FXYD5: variants seen among roughly 807,000 people sequenced by gnomAD.
The protein encoded by FXYD5 is FXYD domain-containing ion transport regulator 5.
In FXYD5, 21 loss-of-function variants were observed where a neutral mutation model predicts 25.7. The ratio of observed to expected loss-of-function variants is 0.82; its 90% confidence interval spans 0.58 to 1.18. The LOEUF is 1.18. Ranked by LOEUF, FXYD5 falls within the 50% of genes most tolerant of loss-of-function variation. FXYD5 has a pLI of 0.00. For synonymous variants in FXYD5, 101 were observed against 90.7 expected, an observed-to-expected ratio of 1.11 and a Z score of -0.64; for missense variants, 229 against 227.7, an observed-to-expected ratio of 1.01 and a Z score of -0.04.
chr19:35,165,094 T>G (rs1600509507), intron 6 of FXYD5, among the ~76,000 whole-genome samples: 1 of 152,140 alleles, frequency 6.6e-6, no homozygotes, highest in Non-Finnish European at 1.5e-5. Context: ...TTCGGTGTCA[T>G]GTCAGACTGT....
At position 35,155,568 on chromosome 19, in the gene FXYD5, C is replaced by T; in HGVS notation, c.18C>T (p.Arg6=). The T allele has an allele frequency of 1.2e-6, 2 of 1,610,808 alleles. No individual in the cohort carries two copies. Among genetic ancestry groups the T allele is most frequent in the Non-Finnish European group, 1.7e-6 (2 of 1,179,844 alleles). ...TCCCACAGATGTCGCCCTCTGGTCG[C>T]CTGTGTCTTCTCACCATCGTTGGCC... MSPSG[R]LCLLTIVGLI... is the part of the protein sequence containing the mutation. The change falls in exon 2 of 9, where the codon CGC becomes CGT. Residue 6 remains arginine (R), a synonymous_variant. Transcript: ENST00000392219.
At chr19:35,169,296 A>G (rs1343957353) in intron 8 of FXYD5, among the ~76,000 whole-genome samples, 3 of 152,070 alleles carry the variant, frequency 2.0e-5, no homozygotes, top group Non-Finnish European at 4.4e-5. Context: ...TTTGTCCTCA[A>G]CTGTGTTCTT....
intron 2 of FXYD5, 34 bp from the exon 3 acceptor site, chr19:35,157,387 G>C (rs769087817): frequency 5.0e-6 from 6 of 1,195,490 alleles, no homozygotes; most frequent in Non-Finnish European, 5.0e-6. Flanking sequence ...GGGGGACCAG[G>C]CTCCCTCCTG....
At chr19:35,157,635 T>C in intron 3 of FXYD5, 134 bp downstream of exon 3, 2 of 576,090 alleles carry the variant, frequency 3.5e-6, no homozygotes, top group Non-Finnish European at 6.3e-6. Context: ...CCTTCAGGCA[T>C]GGCTTGATCT....
chr19:35,166,554 T>C, intron 8 of FXYD5: 1 of 469,338 alleles, frequency 2.1e-6, no homozygotes. Context: ...GTGATTCTTC[T>C]GGTCTCAACT....
intron 5 of FXYD5, among the ~76,000 whole-genome samples, chr19:35,162,999 G>T (rs1463752959): frequency 6.6e-6 from 1 of 152,212 alleles, no homozygotes; most frequent in Non-Finnish European, 1.5e-5. Context: ...ATCCTGTGTG[G>T]TGGGAACTGT....
In FXYD5 at chr19:35,166,266, G is replaced by A. The variant is rs372529207; in HGVS notation, c.428G>A (p.Arg143Gln). Residue 143 changes from arginine (R) to glutamine (Q), a missense_variant, in exon 8 of 9, where the codon CGG becomes CAG. Transcript: ENST00000392219. The part of the protein sequence containing the change: ...DPFFYDEHTL[R>Q]KRGLLVAAVL... ...CTCTCTGCAGATGAACACACCCTCCGGAAACGGGGGCTGTTGGTCGCAGCT... is the reference window on the plus strand; with the variant it reads ...CTCTCTGCAGATGAACACACCCTCCAGAAACGGGGGCTGTTGGTCGCAGCT... 5.1e-5 allele frequency: 83 copies of A among 1,611,792 alleles called. No individual in the cohort carries two copies. The highest frequency in any genetic ancestry group is 4.1e-4 in the African/African-American group (31 of 74,800).
intron 4 of FXYD5, among the ~76,000 whole-genome samples, chr19:35,158,635 A>T (rs2065378532): frequency 6.6e-6 from 1 of 152,124 alleles, no homozygotes; most frequent in Non-Finnish European, 1.5e-5. Flanking sequence ...AAAACCCATA[A>T]ATTTACAGTG....
intron 4 of FXYD5, chr19:35,159,462 A>G (rs2065385766): frequency 6.5e-7 from 1 of 1,541,772 alleles, no homozygotes. Flanking sequence ...AGTTCTTCTC[A>G]CATCACTGCA....
intron 4 of FXYD5, among the ~76,000 whole-genome samples, chr19:35,160,183 C>T (rs1288030080): frequency 6.6e-6 from 1 of 152,156 alleles, no homozygotes; most frequent in Admixed American, 6.5e-5. Context: ...CACTCCAGCT[C>T]AGGTGATAGA....
intron 8 of FXYD5, among the ~76,000 whole-genome samples, chr19:35,168,631 C>A (rs1387041213): frequency 2.0e-5 from 3 of 152,176 alleles, no homozygotes; most frequent in Non-Finnish European, 4.4e-5. Flanking sequence ...CCCCCTCCCT[C>A]ACTCTGGAGC....
chr19:35,168,783 C>G (rs1045641564), intron 8 of FXYD5, among the ~76,000 whole-genome samples: 6 of 152,172 alleles, frequency 3.9e-5, no homozygotes, highest in Non-Finnish European at 5.9e-5. Flanking sequence ...ACCTCCTTGG[C>G]AGGCCACAGT....
At chr19:35,155,182 C>G in intron 1 of FXYD5, 1 of 278,470 alleles carries the variant, frequency 3.6e-6, no homozygotes, top group South Asian at 5.2e-5. Flanking sequence ...GGCCTCCTAT[C>G]TACTCCTCTG....
chr19:35,163,105 G>A (rs1281919127), intron 5 of FXYD5, among the ~76,000 whole-genome samples: 1 of 152,238 alleles, frequency 6.6e-6, no homozygotes, highest in Admixed American at 6.5e-5. Context: ...ACCGGAATTT[G>A]AGTCCAGACT....
chr19:35,165,017 A>C (rs2065438453), intron 6 of FXYD5, among the ~76,000 whole-genome samples: 1 of 152,220 alleles, frequency 6.6e-6, no homozygotes, highest in African/African-American at 2.4e-5. Context: ...TATTTGCATT[A>C]TACTTACCAG....
At chr19:35,155,688 G>T in intron 2 of FXYD5, 77 bp downstream of exon 2, 1 of 1,087,446 alleles carries the variant, frequency 9.2e-7, no homozygotes, top group South Asian at 1.2e-5. Flanking sequence ...CGGGGTGGGT[G>T]GTTGGCCCGT....
chr19:35,161,478 G>A (rs985158252), intron 5 of FXYD5, among the ~76,000 whole-genome samples: 11 of 152,144 alleles, frequency 7.2e-5, no homozygotes, highest in African/African-American at 2.4e-4. Flanking sequence ...ATTATTTCTA[G>A]CCTGAGGCCT....
intron 5 of FXYD5, among the ~76,000 whole-genome samples, chr19:35,161,249 A>ACACACACACACACATACAC (rs58296906): frequency 1.7e-5 from 2 of 120,402 alleles, no homozygotes; most frequent in South Asian, 5.7e-4. Context: ...CACACACACA[A>ACACACACACACACATACAC]AAGAATGATT....
chr19:35,159,501 C>T (rs2145415167), intron 4 of FXYD5: 1 of 1,549,936 alleles, frequency 6.5e-7, no homozygotes, highest in East Asian at 2.4e-5. Flanking sequence ...TCTCTCCTGC[C>T]TGGTATTCCA....
Sources: gnomAD v4.1 joint callset for allele counts (sites outside exome capture counted in the v4.1 genomes callset) on GRCh38, gnomAD v4.1.1 for gene constraint, MANE v1.5 for transcripts, NCBI Gene and HGNC (gene_info 2026-07-23, HGNC 2026-07-21) for gene names.